NBR1: variants seen among roughly 807,000 people sequenced by gnomAD.
The protein encoded by NBR1 is NBR1 autophagy cargo receptor.
In NBR1, 59 loss-of-function variants were observed where a neutral mutation model predicts 115.5. That is an observed-to-expected ratio of 0.51 (90% CI 0.41 to 0.63). The LOEUF is 0.63. NBR1 is among the 30% of genes least tolerant of loss of function. The pLI is 0.00. For missense variants in NBR1, 1,043 were observed against 1,150.5 expected, an observed-to-expected ratio of 0.91 and a Z score of 1.35; for synonymous variants, 373 against 414.7, an observed-to-expected ratio of 0.90 and a Z score of 1.22.
intron 10 of NBR1, among the ~76,000 whole-genome samples, chr17:43,191,821 C>T (rs1390133887): frequency 2.0e-5 from 3 of 151,894 alleles, no homozygotes; most frequent in East Asian, 3.9e-4. Flanking sequence ...TTCGGGTTCA[C>T]GCCATTCTCC....
At chr17:43,173,714 G>A (rs1035094313) in intron 1 of NBR1, among the ~76,000 whole-genome samples, 1 of 152,138 alleles carries the variant, frequency 6.6e-6, no homozygotes, top group Non-Finnish European at 1.5e-5. Context: ...ATAGGTTAAA[G>A]AACCGAAGCT....
chr17:43,192,020 CT>C lies in NBR1; in HGVS notation c.1073+457del, dbSNP rs34920601. On this transcript the variant is annotated intron_variant, in intron 10 of 20. Transcript: ENST00000590996. Reference sequence around the variant, plus strand: ...CAGGCATGAGCCACACAGCACCCGGCTTTTTTTTTTTTTTTTTTGAGATGGA... The same window carrying C: ...CAGGCATGAGCCACACAGCACCCGGCTTTTTTTTTTTTTTTTTGAGATGGA... Among the ~76,000 whole-genome samples the C allele has an allele frequency of 2.5e-3, 272 of 107,528 alleles. 3 individuals are homozygous for C. Among genetic ancestry groups the C allele is most frequent in the African/African-American group, 0.01 (260 of 25,960 alleles). 70.5% of individuals were successfully genotyped at this position (107,528 alleles called of 152,430 possible).
rs2056604954 is a variant in NBR1 at position 43,179,298 on chromosome 17, T to A, written c.166-96T>A. 2.7e-6 allele frequency: 3 copies of A among 1,125,378 alleles called. No homozygotes were observed. In the South Asian group the frequency reaches 4.0e-5, roughly 15 times the overall value. 69.7% of individuals were successfully genotyped at this position (1,125,378 alleles called of 1,614,324 possible). On this transcript the variant is annotated intron_variant, in intron 3 of 20. Coordinates refer to ENST00000590996, the MANE Select transcript of NBR1 (RefSeq NM_005899.5). ...ATATGGAAAAGCTGAACGCTTGGCCTGAGTTTTTGTCTGTCCTATGGGGCT... is the reference window on the plus strand; with the variant it reads ...ATATGGAAAAGCTGAACGCTTGGCCAGAGTTTTTGTCTGTCCTATGGGGCT...
intron 2 of NBR1, 102 bp from the exon 3 acceptor site, chr17:43,177,834 T>C: frequency 9.4e-7 from 1 of 1,062,766 alleles, no homozygotes; most frequent in Non-Finnish European, 1.3e-6. Flanking sequence ...TGTTATGGGT[T>C]ATTAAGGTTG....
chr17:43,196,210 GT>G (rs1277399343), intron 14 of NBR1: 2 of 294,638 alleles, frequency 6.8e-6, no homozygotes, highest in African/African-American at 4.5e-5. Flanking sequence ...CTAGATACTT[GT>G]GTCCTTTTGT....
intron 19 of NBR1, 150 bp downstream of exon 19, chr17:43,202,862 C>T: frequency 1.5e-6 from 1 of 652,578 alleles, no homozygotes; most frequent in Admixed American, 2.9e-5. Context: ...CTTCTAAAGG[C>T]TTTGAGCAAC....
At position 43,200,181 on chromosome 17, in the gene NBR1, C is replaced by T; in HGVS notation, c.2041C>T (p.Pro681Ser). 7 of 1,547,528 alleles carry T rather than the reference C, an allele frequency of 4.5e-6. No homozygotes were observed. Among genetic ancestry groups the T allele is most frequent in the Non-Finnish European group, 6.1e-6 (7 of 1,144,124 alleles). ...QKSLQMTFAL[P>S]EGPLGNEKEE... The stretch of plus-strand genomic sequence containing the variant: ...TCATCCTTTAGTGACATTTGCCTTG[C>T]CTGAAGGACCACTTGGAAATGAGAA... Residue 681 changes from proline (P) to serine (S), a missense_variant, in exon 17 of 21, where the codon CCT becomes TCT. Pro to Ser is a moderately conservative substitution (Grantham distance 74). Transcript: ENST00000590996.
intron 19 of NBR1, 46 bp from the exon 20 acceptor site, chr17:43,203,635 A>G (rs761692270): frequency 4.2e-6 from 5 of 1,204,326 alleles, no homozygotes; most frequent in Admixed American, 4.1e-5. Context: ...GTAAAAAGGT[A>G]ATGATTTGTG....
At position 43,184,372 on chromosome 17, in the gene NBR1, C is replaced by CTTTTTTTT. The variant is rs71160024; in HGVS notation, c.208-1874_208-1867dup. Among the ~76,000 whole-genome samples, 9 of 96,194 alleles carry CTTTTTTTT rather than the reference C, an allele frequency of 9.4e-5. 1 individual carries two copies. Among genetic ancestry groups the CTTTTTTTT allele is most frequent in the Admixed American group, 4.5e-4 (3 of 6,628 alleles). 63.1% of individuals were successfully genotyped at this position (96,194 alleles called of 152,430 possible). A position where few individuals can be genotyped will look rare whatever the true frequency, so the allele number is the denominator to read the frequency against. On this transcript the variant is annotated intron_variant, in intron 5 of 20. Transcript: ENST00000590996. Reference sequence around the variant, plus strand: ...CCTCTCATCGCCCCAAAATACTATTCTTTTTTTTTTTGAGACAGAGTCTCA... The same window carrying CTTTTTTTT: ...CCTCTCATCGCCCCAAAATACTATTCTTTTTTTTTTTTTTTTTTTGAGACAGAGTCTCA...
chr17:43,178,320 T>A (rs893130732), intron 3 of NBR1, among the ~76,000 whole-genome samples: 3 of 151,548 alleles, frequency 2.0e-5, no homozygotes, highest in Admixed American at 2.0e-4. Context: ...AGTGCTGGGA[T>A]TATAGGTGTG....
At chr17:43,171,566 G>A (rs1336421822) in intron 1 of NBR1, among the ~76,000 whole-genome samples, 1 of 152,196 alleles carries the variant, frequency 6.6e-6, no homozygotes, top group African/African-American at 2.4e-5. Flanking sequence ...TGGAATGAGG[G>A]CCTAGGCAAA....
chr17:43,178,903 AC>A (rs2056595264), intron 3 of NBR1, among the ~76,000 whole-genome samples: 1 of 151,448 alleles, frequency 6.6e-6, no homozygotes, highest in East Asian at 1.9e-4. Flanking sequence ...GCTAGGACAT[AC>A]CTCTCTGCAT....
At chr17:43,209,618 C>A (rs573406663) in intron 20 of NBR1, 1 of 1,535,350 alleles carries the variant, frequency 6.5e-7, no homozygotes, top group African/African-American at 1.4e-5. Flanking sequence ...CTGAAAGCCC[C>A]GAGTGAAGCA....
At chr17:43,187,548 G>A (rs1346915853) in intron 6 of NBR1, among the ~76,000 whole-genome samples, 1 of 110,964 alleles carries the variant, frequency 9.0e-6, no homozygotes, top group African/African-American at 3.5e-5. Flanking sequence ...TTGCACCTTC[G>A]CCCTGGCTGG....
rs2057402960 is a variant in NBR1, at chr17:43,210,768, T to C, written c.*694T>C. ...CCAGCACCTATTGAGCAATGTCTATTATAGTAATTTTGCATACATTTTTAT... is the reference window on the plus strand; with the variant it reads ...CCAGCACCTATTGAGCAATGTCTATCATAGTAATTTTGCATACATTTTTAT... On this transcript the variant is annotated 3_prime_UTR_variant, in exon 21 of 21. Coordinates refer to ENST00000590996, the MANE Select transcript of NBR1 (RefSeq NM_005899.5). 2 of 398,326 alleles carry C rather than the reference T, an allele frequency of 5.0e-6. No individual in the cohort carries two copies. The highest frequency in any genetic ancestry group is 2.1e-5 in the African/African-American group (1 of 48,576). The allele number at this position is 398,326 out of a possible 1,614,324, so 24.7% of individuals were successfully genotyped here.
intron 5 of NBR1, 52 bp downstream of exon 5, chr17:43,180,869 G>T: frequency 1.5e-6 from 2 of 1,335,170 alleles, no homozygotes; most frequent in Non-Finnish European, 1.9e-6. Context: ...ATTATTATGG[G>T]TTGGTTTTTT....
intron 16 of NBR1, among the ~76,000 whole-genome samples, chr17:43,198,266 A>T (rs578091237): frequency 6.6e-6 from 1 of 152,214 alleles, no homozygotes; most frequent in South Asian, 2.1e-4. Flanking sequence ...CCAAAAATTC[A>T]AATATACTAT....
At position 43,187,217 on chromosome 17, in the gene NBR1, T is replaced by C. The variant is rs192608187; in HGVS notation, c.402+773T>C. Among the ~76,000 whole-genome samples, 434 of 152,270 alleles carry C rather than the reference T, an allele frequency of 2.9e-3. 7 individuals carry two copies. The highest frequency in any genetic ancestry group is 7.7e-3 in the East Asian group (40 of 5,180). On this transcript the variant is annotated intron_variant, in intron 6 of 20. Transcript: ENST00000590996. Reference sequence around the variant, plus strand: ...TTTTTGAAACGGAGTCTCACTCTGTTGCCCAGGCTGTGGAGTGCAGTGGCG... The same window carrying C: ...TTTTTGAAACGGAGTCTCACTCTGTCGCCCAGGCTGTGGAGTGCAGTGGCG...
chr17:43,205,897 AG>A (rs2057305760), intron 20 of NBR1, among the ~76,000 whole-genome samples: 2 of 149,318 alleles, frequency 1.3e-5, no homozygotes, highest in Non-Finnish European at 3.0e-5. Context: ...AAAAAAAAAA[AG>A]GCTGGGTGTG....
Sources: allele counts gnomAD v4.1 joint callset (sites outside exome capture counted in the v4.1 genomes callset), GRCh38; gene constraint gnomAD v4.1.1; transcripts MANE v1.5; gene names NCBI Gene and HGNC (gene_info 2026-07-23, HGNC 2026-07-21).